PCGF5: variants seen among roughly 807,000 people sequenced by gnomAD.
The protein encoded by PCGF5 is polycomb group RING finger protein 5.
PCGF5 carries 9 observed loss-of-function variants against 44.3 expected under a neutral mutation model. That is an observed-to-expected ratio of 0.20 (90% CI 0.12 to 0.35). The LOEUF is 0.35. Among genes scored for constraint, PCGF5 ranks in the 10% least tolerant of loss-of-function variants. The pLI is 1.00. For synonymous variants in PCGF5, 95 were observed against 102.5 expected (o/e 0.93, Z 0.44); for missense variants, 146 against 305.3 (o/e 0.48, Z 3.89).
intron 1 of PCGF5, among the ~76,000 whole-genome samples, chr10:91,189,659 T>C (rs1340545127): frequency 1.3e-5 from 2 of 152,170 alleles, no homozygotes; most frequent in African/African-American, 2.4e-5. Context: ...AGAATATACA[T>C]AAATATTAAA....
chr10:91,189,396 G>C (rs1259641009), intron 1 of PCGF5, among the ~76,000 whole-genome samples: 1 of 152,132 alleles, frequency 6.6e-6, no homozygotes. Context: ...TTACAACATG[G>C]TGCCTGGTAC....
chr10:91,157,272 G>A, the PCGF5 span, among the ~76,000 whole-genome samples: 1 of 152,190 alleles, frequency 6.6e-6, no homozygotes, highest in Non-Finnish European at 1.5e-5. Flanking sequence ...ACAGACTGAG[G>A]ACATTGCAAT....
At chr10:91,223,230 A>G (rs986333668) in intron 2 of PCGF5, among the ~76,000 whole-genome samples, 1 of 152,192 alleles carries the variant, frequency 6.6e-6, no homozygotes, top group Non-Finnish European at 1.5e-5. Flanking sequence ...TCATAAGCAT[A>G]TTATCAGTTA....
At chr10:91,245,931 T>C (rs1368162974) in intron 3 of PCGF5, among the ~76,000 whole-genome samples, 1 of 152,090 alleles carries the variant, frequency 6.6e-6, no homozygotes, top group Admixed American at 6.6e-5. Flanking sequence ...TAAAGGCATG[T>C]TTGTGTTGTA....
chr10:91,167,300 C>G (rs1843517090), intron 1 of PCGF5, among the ~76,000 whole-genome samples: 1 of 152,128 alleles, frequency 6.6e-6, no homozygotes, highest in Non-Finnish European at 1.5e-5. Context: ...GACATAGATA[C>G]TCTTTCTTTA....
intron 1 of PCGF5, among the ~76,000 whole-genome samples, chr10:91,174,256 CATCACTTTGGGAAGCT>C (rs1164484735): frequency 6.6e-6 from 1 of 152,068 alleles, no homozygotes; most frequent in African/African-American, 2.4e-5. Flanking sequence ...CCTGTAATCC[CATCACTTTGGGAAGCT>C]AAGGTGGGTG....
chr10:91,174,877 G>A (rs892573694), intron 1 of PCGF5, among the ~76,000 whole-genome samples: 1 of 152,178 alleles, frequency 6.6e-6, no homozygotes, highest in Non-Finnish European at 1.5e-5. Flanking sequence ...ACCATTACAG[G>A]CATGGTAAAT....
intron 1 of PCGF5, among the ~76,000 whole-genome samples, chr10:91,221,798 A>G (rs1377174728): frequency 6.6e-6 from 1 of 152,182 alleles, no homozygotes; most frequent in Non-Finnish European, 1.5e-5. Flanking sequence ...ACCAGTTTCT[A>G]TTGAAGAGTT....
At chr10:91,167,419 G>A (rs1316267567) in intron 1 of PCGF5, among the ~76,000 whole-genome samples, 1 of 152,194 alleles carries the variant, frequency 6.6e-6, no homozygotes, top group East Asian at 1.9e-4. Context: ...TTCAGAGGAG[G>A]AAAAGACTAT....
chr10:91,190,111 G>A (rs1177168568), intron 1 of PCGF5, among the ~76,000 whole-genome samples: 1 of 152,162 alleles, frequency 6.6e-6, no homozygotes, highest in Non-Finnish European at 1.5e-5. Context: ...CAAGGCATGG[G>A]CAGATTGGTC....
chr10:91,271,734 G>A, intron 9 of PCGF5, 37 bp downstream of exon 9: 1 of 1,552,358 alleles, frequency 6.4e-7, no homozygotes, highest in Non-Finnish European at 8.9e-7. Flanking sequence ...TGACCATCAT[G>A]ACACCATGGC....
intron 6 of PCGF5, among the ~76,000 whole-genome samples, chr10:91,259,669 A>G (rs1344724335): frequency 1.3e-5 from 2 of 151,876 alleles, no homozygotes; most frequent in African/African-American, 4.9e-5. Context: ...AATGCCGCAT[A>G]TCTACAACTA....
intron 5 of PCGF5, among the ~76,000 whole-genome samples, chr10:91,250,705 A>T (rs925697845): frequency 3.3e-5 from 5 of 151,742 alleles, no homozygotes; most frequent in African/African-American, 1.2e-4. Flanking sequence ...ATACATTTGT[A>T]TATAATATAA....
At chr10:91,247,366 G>A (rs982444294) in intron 3 of PCGF5, among the ~76,000 whole-genome samples, 8 of 152,086 alleles carry the variant, frequency 5.3e-5, no homozygotes, top group Admixed American at 2.0e-4. Flanking sequence ...GAATTCAGTA[G>A]AGTAAAAGAA....
chr10:91,178,376 C>CTTTCT (rs1172357328), intron 1 of PCGF5, among the ~76,000 whole-genome samples: 2 of 150,042 alleles, frequency 1.3e-5, no homozygotes, highest in Non-Finnish European at 3.0e-5. Flanking sequence ...TGCTGTTTCT[C>CTTTCT]TTTCTTTTCT....
At chr10:91,278,214 C>A in intron 9 of PCGF5, 55 bp from the exon 10 acceptor site, 1 of 1,390,728 alleles carries the variant, frequency 7.2e-7, no homozygotes, top group Non-Finnish European at 1.0e-6. Flanking sequence ...CATATATAAA[C>A]TGTATTGTTT....
intron 1 of PCGF5, among the ~76,000 whole-genome samples, chr10:91,191,571 C>G (rs138778190): frequency 6.6e-6 from 1 of 152,364 alleles, no homozygotes; most frequent in East Asian, 1.9e-4. Context: ...TTCCTACTAA[C>G]ATGTAGGTAA....
At chr10:91,243,264 G>T (rs547066280) in intron 3 of PCGF5, among the ~76,000 whole-genome samples, 1 of 152,268 alleles carries the variant, frequency 6.6e-6, no homozygotes, top group South Asian at 2.1e-4. Flanking sequence ...CCAAAACTAG[G>T]TCACATGACA....
upstream of PCGF5, among the ~76,000 whole-genome samples, chr10:91,215,337 T>C (rs117113196): frequency 1.9e-4 from 29 of 152,376 alleles, no homozygotes; most frequent in East Asian, 5.6e-3. Context: ...GACCTCGGCC[T>C]TGGTGACTTG....
Sources: gnomAD v4.1 joint callset for allele counts (sites outside exome capture counted in the v4.1 genomes callset) on GRCh38, gnomAD v4.1.1 for gene constraint, MANE v1.5 for transcripts, NCBI Gene and HGNC (gene_info 2026-07-23, HGNC 2026-07-21) for gene names.